LEF1: variants seen among roughly 807,000 people sequenced by gnomAD.
LEF1 encodes the protein lymphoid enhancer-binding factor 1.
LEF1 carries 14 observed loss-of-function variants against 51.2 expected under a neutral mutation model. That is an observed-to-expected ratio of 0.27 (90% CI 0.18 to 0.43). LEF1 has a LOEUF of 0.43. Ranked by LOEUF, LEF1 falls within the 20% of genes least tolerant of loss-of-function variation. The pLI, the probability that LEF1 is intolerant of heterozygous loss-of-function variation, is 1.00. For synonymous variants in LEF1, 185 were observed against 183.2 expected (o/e 1.01, Z -0.08); for missense variants, 386 against 512.0 (o/e 0.75, Z 2.37).
At chr4:108,085,505 C>T (rs991465663) in intron 4 of LEF1, among the ~76,000 whole-genome samples, 1 of 152,204 alleles carries the variant, frequency 6.6e-6, no homozygotes, top group African/African-American at 2.4e-5. Flanking sequence ...AGGTAACTTG[C>T]TTGCAGTCAC....
In LEF1 at chr4:108,070,779, G is replaced by A. The variant is rs1331060168; in HGVS notation, c.1009-9C>T. On this transcript the variant is annotated splice_polypyrimidine_tract_variant and intron_variant, in intron 8 of 11. Coordinates refer to ENST00000265165, the MANE Select transcript of LEF1 (RefSeq NM_016269.5). Reference sequence around the variant, plus strand: ...CGGGAGAGGGCATGCCACTAAAACAGAGAGGAAGGAAGAAAAAAACAAAAG... The same window carrying A: ...CGGGAGAGGGCATGCCACTAAAACAAAGAGGAAGGAAGAAAAAAACAAAAG... The A allele has an allele frequency of 5.7e-6, 9 of 1,583,310 alleles. No individual in the cohort carries two copies. Among genetic ancestry groups the A allele is most frequent in the Non-Finnish European group, 6.9e-6 (8 of 1,156,922 alleles).
chr4:108,092,917 T>TAAAAAAAAAAAAA (rs71592104), intron 3 of LEF1, among the ~76,000 whole-genome samples: 9 of 31,142 alleles, frequency 2.9e-4, no homozygotes, highest in African/African-American at 1.2e-3. Context: ...AATGAATATG[T>TAAAAAAAAAAAAA]AAAAAAAAAA....
intron 3 of LEF1, among the ~76,000 whole-genome samples, chr4:108,131,322 G>A (rs1340163330): frequency 6.6e-6 from 1 of 151,542 alleles, no homozygotes; most frequent in African/African-American, 2.4e-5. Flanking sequence ...GGTCCAAGCT[G>A]CAGTGAGCTA....
At chr4:108,161,147 G>C (rs1745029790) in intron 3 of LEF1, among the ~76,000 whole-genome samples, 1 of 152,158 alleles carries the variant, frequency 6.6e-6, no homozygotes, top group Admixed American at 6.5e-5. Context: ...GTGTGGTTAG[G>C]GGTGAAGAAG....
intron 3 of LEF1, among the ~76,000 whole-genome samples, chr4:108,158,315 G>A (rs1260916651): frequency 6.6e-6 from 1 of 152,108 alleles, no homozygotes; most frequent in African/African-American, 2.4e-5. Context: ...TAAGTGTCTT[G>A]ATTACTACAG....
intron 3 of LEF1, among the ~76,000 whole-genome samples, chr4:108,091,758 TA>T (rs1194232606): frequency 6.6e-6 from 1 of 152,188 alleles, no homozygotes; most frequent in African/African-American, 2.4e-5. Context: ...ACATGGAATT[TA>T]GAATGCTAGA....
intron 3 of LEF1, among the ~76,000 whole-genome samples, chr4:108,146,717 G>A (rs188520977): frequency 4.6e-5 from 7 of 152,228 alleles, no homozygotes; most frequent in African/African-American, 7.2e-5. Context: ...TAAAAACTCC[G>A]ACAAGTTTTT....
rs559071202 is a variant in LEF1, at chr4:108,112,124, G to C, written c.415-22867C>G. Among the ~76,000 whole-genome samples the C allele has an allele frequency of 2.6e-5, 4 of 152,258 alleles. No homozygotes were observed. In the East Asian group the frequency reaches 7.7e-4, roughly 29 times the overall value. On this transcript the variant is annotated intron_variant, in intron 3 of 11. Coordinates refer to ENST00000265165, the MANE Select transcript of LEF1 (RefSeq NM_016269.5). ...GTAATGACCTGTTGGGAGTTCAATGGTGCTAGGATGTTGGGAGGTCAGGCA... is the reference window on the plus strand; with the variant it reads ...GTAATGACCTGTTGGGAGTTCAATGCTGCTAGGATGTTGGGAGGTCAGGCA...
chr4:108,107,739 T>C (rs1044970958), intron 3 of LEF1, among the ~76,000 whole-genome samples: 1 of 152,130 alleles, frequency 6.6e-6, no homozygotes, highest in African/African-American at 2.4e-5. Context: ...TTATGTCCTT[T>C]GACTATCATG....
intron 11 of LEF1, among the ~76,000 whole-genome samples, chr4:108,059,093 G>T (rs975374685): frequency 6.6e-6 from 1 of 152,198 alleles, no homozygotes; most frequent in Non-Finnish European, 1.5e-5. Flanking sequence ...TTTCCCCACA[G>T]TGTTGAGACC....
At chr4:108,155,670 C>T (rs1312099641) in intron 3 of LEF1, among the ~76,000 whole-genome samples, 4 of 152,190 alleles carry the variant, frequency 2.6e-5, no homozygotes, top group Non-Finnish European at 5.9e-5. Flanking sequence ...CTTTTGCAGG[C>T]TTTGTGCCAT....
intron 8 of LEF1, among the ~76,000 whole-genome samples, chr4:108,076,792 G>T (rs528178790): frequency 6.6e-6 from 1 of 152,172 alleles, no homozygotes; most frequent in South Asian, 2.1e-4. Context: ...AGGTCGAGGT[G>T]GGTGGATGAC....
At chr4:108,117,871 C>A (rs1283751489) in intron 3 of LEF1, among the ~76,000 whole-genome samples, 3 of 152,184 alleles carry the variant, frequency 2.0e-5, no homozygotes, top group Non-Finnish European at 4.4e-5. Flanking sequence ...AAAACCAAGG[C>A]TCAGGAAGAT....
intron 4 of LEF1, among the ~76,000 whole-genome samples, chr4:108,087,256 CA>C (rs1739712701): frequency 6.6e-6 from 1 of 152,086 alleles, no homozygotes; most frequent in Admixed American, 6.6e-5. Flanking sequence ...ATAAGGAACA[CA>C]AGGCCTGGGA....
chr4:108,140,717 G>A (rs1743592181), intron 3 of LEF1, among the ~76,000 whole-genome samples: 1 of 152,180 alleles, frequency 6.6e-6, no homozygotes. Flanking sequence ...CAAGAAGCAA[G>A]TTAAAATAAA....
At chr4:108,090,221 G>A (rs1248655593) in intron 3 of LEF1, among the ~76,000 whole-genome samples, 2 of 152,004 alleles carry the variant, frequency 1.3e-5, no homozygotes, top group Non-Finnish European at 1.5e-5. Context: ...TTTGTGATCT[G>A]CCCACTTTGG....
At chr4:108,140,740 G>A (rs564242180) in intron 3 of LEF1, among the ~76,000 whole-genome samples, 2 of 152,306 alleles carry the variant, frequency 1.3e-5, no homozygotes, top group Non-Finnish European at 1.5e-5. Flanking sequence ...TAAATACCTC[G>A]ATAGCTTTGC....
intron 3 of LEF1, among the ~76,000 whole-genome samples, chr4:108,148,346 C>T (rs371931292): frequency 1.3e-5 from 2 of 151,506 alleles, no homozygotes; most frequent in East Asian, 3.9e-4. Context: ...CCTTTTTAAA[C>T]AAGTAAACCA....
chr4:108,150,406 A>G (rs1311248066), intron 3 of LEF1, among the ~76,000 whole-genome samples: 2 of 152,210 alleles, frequency 1.3e-5, no homozygotes, highest in African/African-American at 2.4e-5. Flanking sequence ...TCAGACACTT[A>G]TCAAACTATG....
Sources: gnomAD v4.1 joint callset for allele counts (sites outside exome capture counted in the v4.1 genomes callset) on GRCh38, gnomAD v4.1.1 for gene constraint, MANE v1.5 for transcripts, NCBI Gene and HGNC (gene_info 2026-07-23, HGNC 2026-07-21) for gene names.